The following SERINC2 variants were observed in gnomAD, a reference collection of about 807,000 sequenced individuals.
The protein encoded by SERINC2 is serine incorporator 2.
Under a neutral mutation model 54.2 loss-of-function variants are expected in SERINC2, and 56 were observed. The observed-to-expected ratio is 1.03, with a 90% CI of 0.83 to 1.29. The LOEUF (loss-of-function observed/expected upper bound fraction) is 1.29, where lower values mean the gene tolerates loss of function less well. Among genes scored for constraint, SERINC2 ranks in the 50% most tolerant of loss-of-function variants. The pLI is 0.00. For synonymous variants in SERINC2, 272 were observed against 253.1 expected (o/e 1.07, Z -0.71); for missense variants, 614 against 607.4 (o/e 1.01, Z -0.12).
chr1:31,432,696 T>C (rs1429115906), intron 8 of SERINC2, among the ~76,000 whole-genome samples: 1 of 152,124 alleles, frequency 6.6e-6, no homozygotes, highest in Admixed American at 6.5e-5. Flanking sequence ...CATTATTCCG[T>C]CTAGTCCCCC....
upstream of SERINC2, chr1:31,413,089 C>T (rs1295614541): frequency 7.1e-6 from 7 of 983,854 alleles, no homozygotes; most frequent in East Asian, 9.9e-5. The surrounding 1 kb of genome is among the most constrained non-coding windows in gnomAD (Gnocchi z 5.0). Flanking sequence ...CCTGGCGCAC[C>T]TGCCCCAGGT....
At chr1:31,431,635 T>A (rs1471132179) in intron 8 of SERINC2, among the ~76,000 whole-genome samples, 1 of 152,238 alleles carries the variant, frequency 6.6e-6, no homozygotes, top group Non-Finnish European at 1.5e-5. Context: ...GGCACAGGTC[T>A]GTTCTTAGCA....
Position 31,413,844 on chromosome 1 carries a change from T to C in SERINC2, c.39+540T>C. ...GTCTGGTTCCTGTCTGTGTCCGTCG[T>C]TCGTCCGACTGTCTTTGTCCGTCTG... On this transcript the variant is annotated intron_variant, in intron 1 of 9. Coordinates refer to ENST00000373709, the MANE Select transcript of SERINC2 (RefSeq NM_178865.5). This position sits in a 1 kb window ranked among gnomAD's most constrained non-coding sequence, Gnocchi z 5.0. 1 of 1,411,852 alleles carries C rather than the reference T, an allele frequency of 7.1e-7. No homozygotes were observed. The highest frequency in any genetic ancestry group is 9.2e-7 in the Non-Finnish European group (1 of 1,089,118). The allele number at this position is 1,411,852 out of a possible 1,614,324, so 87.5% of individuals were successfully genotyped here.
At chr1:31,417,926 G>A (rs1640819246) in intron 1 of SERINC2, among the ~76,000 whole-genome samples, 1 of 128,606 alleles carries the variant, frequency 7.8e-6, no homozygotes, top group African/African-American at 3.0e-5. Context: ...GCACAATCTC[G>A]GCTCATTGCA....
upstream of SERINC2, chr1:31,409,860 G>A: frequency 6.4e-7 from 1 of 1,554,882 alleles, no homozygotes. Flanking sequence ...ATGGTAAGAG[G>A]GGATGGGGAG....
rs1202707658 is a variant in SERINC2 at position 31,432,129 on chromosome 1, TAGGGTGGACAGGGTGGAC to T, written c.1014-820_1014-803del. Among the ~76,000 whole-genome samples the T allele has an allele frequency of 2.6e-3, 26 of 9,890 alleles. 3 individuals are homozygous for T. The highest frequency in any genetic ancestry group is 3.1e-3 in the Admixed American group (3 of 958). 6.5% of individuals were successfully genotyped at this position (9,890 alleles called of 152,430 possible). Reference sequence around the variant, plus strand: ...GGGTGGATAGGGTGGTTAGGGTGGATAGGGTGGACAGGGTGGACAGGGTGGACAGGGTGGATAGGGTGG... The same window carrying T: ...GGGTGGATAGGGTGGTTAGGGTGGATAGGGTGGACAGGGTGGATAGGGTGG... On this transcript the variant is annotated intron_variant, in intron 8 of 9. Transcript: ENST00000373709.
chr1:31,426,612 G>GC, intron 5 of SERINC2, 42 bp from the exon 6 acceptor site: 1 of 1,542,734 alleles, frequency 6.5e-7, no homozygotes, highest in South Asian at 1.2e-5. Context: ...TGTTCCTCCT[G>GC]CCCCACCCAC....
In SERINC2 at chr1:31,429,076, T is replaced by C; in HGVS notation, c.871+8T>C. On this transcript the variant is annotated splice_region_variant and intron_variant, in intron 7 of 9. Transcript: ENST00000373709. ...CCCTATCCAGTATCCCTGGTAAGTA[T>C]GGGCCCAGGCTCAAGGAGGCCTGGC... 6 of 1,611,168 alleles carry C rather than the reference T, an allele frequency of 3.7e-6. No homozygotes were observed. Among genetic ancestry groups the C allele is most frequent in the Non-Finnish European group, 5.1e-6 (6 of 1,177,372 alleles).
At chr1:31,431,947 G>GA (rs1641250077) in intron 8 of SERINC2, among the ~76,000 whole-genome samples, 1 of 130,486 alleles carries the variant, frequency 7.7e-6, no homozygotes, top group East Asian at 2.3e-4. Flanking sequence ...GGTTAGGGTG[G>GA]TTAGGGTGGT....
rs74785488 is a variant in SERINC2 at position 31,418,249 on chromosome 1, A to G, written c.39+4945A>G. On this transcript the variant is annotated intron_variant, in intron 1 of 9. Coordinates refer to ENST00000373709, the MANE Select transcript of SERINC2 (RefSeq NM_178865.5). ...CCATTCATCTCGTCCACCAATGGAC[A>G]TTTAGCTTGTTTTCACCTTATGACT... 5.6e-3 allele frequency among the ~76,000 whole-genome samples: 854 copies of G among 152,350 alleles called. 64 individuals carry two copies. In the East Asian group the frequency reaches 0.14, roughly 25 times the overall value.
intron 1 of SERINC2, chr1:31,414,207 A>G: frequency 7.4e-7 from 1 of 1,356,506 alleles, no homozygotes; most frequent in East Asian, 3.1e-5. Context: ...CTGCAGCCGC[A>G]GAGGGGAGGG....
At chr1:31,434,021 C>T (rs1553135289) in intron 9 of SERINC2, 43 bp from the exon 10 acceptor site, 2 of 1,603,392 alleles carry the variant, frequency 1.2e-6, no homozygotes, top group South Asian at 1.1e-5. Context: ...ATGGAAGTCA[C>T]CAGACTGGGC....
At chr1:31,412,976 C>A, upstream of SERINC2, 1 of 194,896 alleles carries the variant, frequency 5.1e-6, no homozygotes, top group Non-Finnish European at 9.6e-6. Context: ...GATTTCCGAA[C>A]GCTCACTTTG....
intron 4 of SERINC2, among the ~76,000 whole-genome samples, 164 bp from the exon 5 acceptor site, chr1:31,425,612 G>A (rs555494082): frequency 3.3e-4 from 51 of 152,290 alleles, no homozygotes; most frequent in African/African-American, 1.2e-3. Context: ...GAGCTGTCTT[G>A]CCCCGACCCA....
intron 6 of SERINC2, among the ~76,000 whole-genome samples, chr1:31,427,239 A>G (rs1641070664): frequency 6.6e-6 from 1 of 152,154 alleles, no homozygotes; most frequent in African/African-American, 2.4e-5. Context: ...ACACCTCTGG[A>G]AGTAGTGTAG....
chr1:31,425,314 C>T lies in SERINC2; in HGVS notation c.393-16C>T, dbSNP rs782297261. 7.5e-6 allele frequency: 12 copies of T among 1,597,280 alleles called. No individual in the cohort carries two copies. The South Asian group carries it at 1.3e-4, about 18-fold the overall frequency. The stretch of plus-strand genomic sequence containing the variant: ...TGCACTCAGCTTCCTTGTCCATTCC[C>T]CGACCCCTTCTGTAGGTTTTGGTTC... On this transcript the variant is annotated splice_polypyrimidine_tract_variant and intron_variant, in intron 3 of 9. Transcript: ENST00000373709.
chr1:31,410,559 T>C, upstream of SERINC2: 1 of 1,355,910 alleles, frequency 7.4e-7, no homozygotes, highest in Non-Finnish European at 1.0e-6. Flanking sequence ...GAAGTCAGAG[T>C]GGCTATCCCT....
Position 31,434,601 on chromosome 1 carries a change from A to C in SERINC2, c.*402A>C. The C allele has an allele frequency of 4.5e-6, 1 of 224,422 alleles. No individual in the cohort carries two copies. The highest frequency in any genetic ancestry group is 8.9e-6 in the Non-Finnish European group (1 of 112,898). The allele number at this position is 224,422 out of a possible 1,614,324, so 13.9% of individuals were successfully genotyped here. A position where few individuals can be genotyped will look rare whatever the true frequency, so the allele number is the denominator to read the frequency against. On this transcript the variant is annotated 3_prime_UTR_variant, in exon 10 of 10. Coordinates refer to ENST00000373709, the MANE Select transcript of SERINC2 (RefSeq NM_178865.5). ...TGTTCCTGGTCACGTCCCCCAGGGGACCCTGCCCACTTCCTGGACTTCGTG... is the reference window on the plus strand; with the variant it reads ...TGTTCCTGGTCACGTCCCCCAGGGGCCCCTGCCCACTTCCTGGACTTCGTG...
intron 1 of SERINC2, chr1:31,414,300 A>G (rs2148510301): frequency 7.7e-7 from 1 of 1,294,026 alleles, no homozygotes; most frequent in East Asian, 3.2e-5. Context: ...CCCTCATTAA[A>G]TCTGAGGTTC....
Sources: allele counts gnomAD v4.1 joint callset (sites outside exome capture counted in the v4.1 genomes callset), GRCh38; gene constraint gnomAD v4.1.1; non-coding constraint Gnocchi (gnomAD v3.1); transcripts MANE v1.5; gene names NCBI Gene and HGNC (gene_info 2026-07-23, HGNC 2026-07-21).